Variants in EPHB4 observed in about 807,000 individuals in gnomAD.
EPHB4 encodes EPH receptor B4.
Under a neutral mutation model 110.6 loss-of-function variants are expected in EPHB4, and 50 were observed. That is an observed-to-expected ratio of 0.45 (90% CI 0.36 to 0.57). EPHB4 has a LOEUF of 0.57. Among genes scored for constraint, EPHB4 ranks in the 20% least tolerant of loss-of-function variants. The pLI is 0.00. For missense variants in EPHB4, 1,128 were observed against 1,382.1 expected (o/e 0.82, Z 2.91); for synonymous variants, 592 against 578.4 (o/e 1.02, Z -0.34).
chr7:100,805,941 C>T (rs1264686742), intron 14 of EPHB4: 1 of 415,270 alleles, frequency 2.4e-6, no homozygotes, highest in Admixed American at 4.1e-5. Context: ...CTTCTGCGAC[C>T]CAAATATGCT....
chr7:100,826,959 C>T lies in EPHB4; in HGVS notation c.52+20G>A. Reference sequence around the variant, plus strand: ...GTCCCAGGAGTGACGGGGTGCGCCCCCCCCCGCAAGGAAACTCACCTTCCA... The same window carrying T: ...GTCCCAGGAGTGACGGGGTGCGCCCTCCCCCGCAAGGAAACTCACCTTCCA... On this transcript the variant is annotated intron_variant, in intron 1 of 16. Transcript: ENST00000358173. 5.2e-6 allele frequency: 8 copies of T among 1,536,544 alleles called. No individual in the cohort carries two copies. Among genetic ancestry groups the T allele is most frequent in the African/African-American group, 1.4e-5 (1 of 69,546 alleles).
chr7:100,820,331 C>G (rs770230313), intron 4 of EPHB4, 35 bp from the exon 5 acceptor site: 1 of 1,606,848 alleles, frequency 6.2e-7, no homozygotes, highest in South Asian at 1.1e-5. Context: ...AAAGCATGCA[C>G]AAAAACATCC....
rs1276452847 is a variant in EPHB4, at chr7:100,812,470, T to C, written c.2118+277A>G. ...TCAGCATGGTGGTGCATGCCTATAG[T>C]ACCAGCTACTTGGGAGACTGAGGCA... On this transcript the variant is annotated intron_variant, in intron 12 of 16. Transcript: ENST00000358173. Among the ~76,000 whole-genome samples the C allele has an allele frequency of 3.9e-5, 6 of 152,086 alleles. No homozygotes were observed. In the East Asian group the frequency reaches 9.7e-4, roughly 25 times the overall value.
intron 7 of EPHB4, among the ~76,000 whole-genome samples, chr7:100,817,936 G>C (rs1376924990): frequency 1.7e-5 from 2 of 119,316 alleles, no homozygotes; most frequent in African/African-American, 6.2e-5. Context: ...GCGCTATCTC[G>C]GCTCACTGCA....
Position 100,809,909 on chromosome 7 carries a change from T to C in EPHB4, c.2119-2329A>G, listed in dbSNP as rs540967887. ...AGGGTGGATGGCTTGAGGCCAGGGG[T>C]TTCAGATCAGCCTGGCCAACATGGC... On this transcript the variant is annotated intron_variant, in intron 12 of 16. Transcript: ENST00000358173. 2.0e-5 allele frequency among the ~76,000 whole-genome samples: 3 copies of C among 151,832 alleles called. No individual in the cohort carries two copies. The South Asian group carries it at 6.3e-4, about 32-fold the overall frequency.
rs1276811505 is a variant in EPHB4, at chr7:100,820,131, G to A, written c.964+10C>T. 2 of 1,612,942 alleles carry A rather than the reference G, an allele frequency of 1.2e-6. No individual in the cohort carries two copies. The highest frequency in any genetic ancestry group is 1.7e-6 in the Non-Finnish European group (2 of 1,179,606). ...CCCCAGTGAACTGCACCTGGGTGCT[G>A]GTCACTTACTGGTGCAGGGTGCACC... On this transcript the variant is annotated intron_variant, in intron 5 of 16. Transcript: ENST00000358173.
intron 6 of EPHB4, 84 bp from the exon 7 acceptor site, chr7:100,818,728 A>G: frequency 6.8e-7 from 1 of 1,468,120 alleles, no homozygotes; most frequent in Non-Finnish European, 9.0e-7. Flanking sequence ...TTCGAGACGG[A>G]GTCGTGCTCT....
intron 8 of EPHB4, among the ~76,000 whole-genome samples, chr7:100,815,310 G>T (rs959232738): frequency 6.6e-6 from 1 of 151,768 alleles, no homozygotes; most frequent in Non-Finnish European, 1.5e-5. Context: ...GTGACAGAGC[G>T]AGACCCTGTT....
intron 1 of EPHB4, among the ~76,000 whole-genome samples, chr7:100,825,743 T>C (rs314313): frequency 0.28 from 43,079 of 152,112 alleles, 6,293 homozygotes; most frequent in Middle Eastern, 0.39. Context: ...GTGAAATTAA[T>C]ATTTGTAAGG....
intron 14 of EPHB4, 41 bp downstream of exon 14, chr7:100,806,379 G>A: frequency 6.3e-7 from 1 of 1,582,442 alleles, no homozygotes; most frequent in Non-Finnish European, 8.6e-7. Flanking sequence ...CCAGGTGAGA[G>A]AACACTCGAG....
Position 100,813,220 on chromosome 7 carries a change from G to A in EPHB4, c.1757-12C>T. The A allele has an allele frequency of 6.3e-7, 1 of 1,597,760 alleles. No homozygotes were observed. ...GTAGACCTTAGTACCTGAGAAATCA[G>A]GCAGGGCCCCGTCAGCTGGGAATTA... On this transcript the variant is annotated splice_polypyrimidine_tract_variant and intron_variant, in intron 10 of 16. Coordinates refer to ENST00000358173, the MANE Select transcript of EPHB4 (RefSeq NM_004444.5).
At position 100,823,888 on chromosome 7, in the gene EPHB4, C is replaced by T. The variant is rs951495096; in HGVS notation, c.167G>A (p.Arg56His). 20 of 1,606,914 alleles carry T rather than the reference C, an allele frequency of 1.2e-5. No individual in the cohort carries two copies. Among genetic ancestry groups the T allele is most frequent in the East Asian group, 2.2e-5 (1 of 44,576 alleles). ...CTGCACGTCACACACTTCGTAGGTG[C>T]GCACGCTGTGCTGTTCCTCATCCAG... ...SGLDEEQHSV[R>H]TYEVCDVQRA... The change falls in exon 3 of 17, where the codon CGC becomes CAC. Residue 56 changes from arginine (R) to histidine (H), a missense_variant. Physicochemically the swap from Arg to His is conservative, Grantham distance 29. This residue lies in a region of EPHB4 where 728 missense variants were observed against 828.6 expected (regional missense o/e 0.88). Transcript: ENST00000358173.
intron 16 of EPHB4, 111 bp from the exon 17 acceptor site, chr7:100,803,701 C>A: frequency 7.5e-7 from 1 of 1,329,530 alleles, no homozygotes; most frequent in South Asian, 2.0e-5. Context: ...TCAGAAAAGC[C>A]AGCGGGGGAG....
Position 100,817,320 on chromosome 7 carries a change from G to A in EPHB4, c.1460C>T (p.Thr487Met), listed in dbSNP as rs757631699. The A allele has an allele frequency of 1.6e-5, 25 of 1,588,622 alleles. No homozygotes were observed. Among genetic ancestry groups the A allele is most frequent in the Non-Finnish European group, 2.0e-5 (23 of 1,168,592 alleles). The change falls in exon 8 of 17, where the codon ACG becomes ATG. Residue 487 changes from threonine (T) to methionine (M), a missense_variant. Thr to Met is a moderately conservative substitution (Grantham distance 81). Coordinates refer to ENST00000358173, the MANE Select transcript of EPHB4 (RefSeq NM_004444.5). ...CCGCAGCTCTGCCCGGTTTTCTGAC[G>A]TCTTCAGGAACCGCACGCTGCTGGG... Reference protein sequence around the residue: ...EGPSSVRFLKTSENRAELRGL... With the variant: ...EGPSSVRFLKMSENRAELRGL...
chr7:100,825,554 C>T (rs528283486), intron 1 of EPHB4: 1 of 152,488 alleles, frequency 6.6e-6, no homozygotes, highest in African/African-American at 2.4e-5. Flanking sequence ...CCTCCACTCT[C>T]TGTCCACCTC....
At position 100,819,714 on chromosome 7, in the gene EPHB4, G is replaced by C; in HGVS notation, c.1140C>G (p.Asp380Glu). 4.3e-6 allele frequency: 7 copies of C among 1,613,100 alleles called. No individual in the cohort carries two copies. The highest frequency in any genetic ancestry group is 5.1e-6 in the Non-Finnish European group (6 of 1,179,750). Reference sequence around the variant, plus strand: ...GCTCCACCAGGTCCCGGGGGCCGGGGTCAAAAGTCAGGTCTCCCCCGCAGG... The same window carrying C: ...GCTCCACCAGGTCCCGGGGGCCGGGCTCAAAAGTCAGGTCTCCCCCGCAGG... ...CAPCGGDLTF[D>E]PGPRDLVEPW... The change falls in exon 6 of 17, where the codon GAC (aspartate) becomes GAG (glutamate). Residue 380 changes from aspartate (D) to glutamate (E), a missense_variant. Asp to Glu is a conservative substitution (Grantham distance 45, BLOSUM62 2). Around this residue, in one of 3 missense-constraint regions of EPHB4, gnomAD observed 728 missense variants for 828.6 expected, o/e 0.88. Coordinates refer to ENST00000358173, the MANE Select transcript of EPHB4 (RefSeq NM_004444.5).
chr7:100,819,615 G>A lies in EPHB4; in HGVS notation c.1239C>T (p.Ser413=), dbSNP rs369114721. ...ATGGGACGGGCCCCGTGGCTAAGGA[G>A]GATACCCCGTTCAATGCAGTGACCT... ...TFEVTALNGV[S]SLATGPVPFE... is the part of the protein sequence containing the mutation. The change falls in exon 6 of 17, where the codon TCC becomes TCT. Residue 413 remains serine (S), a synonymous_variant. Coordinates refer to ENST00000358173, the MANE Select transcript of EPHB4 (RefSeq NM_004444.5). The A allele has an allele frequency of 6.2e-7, 1 of 1,602,828 alleles. No homozygotes were observed. Among genetic ancestry groups the A allele is most frequent in the Non-Finnish European group, 8.5e-7 (1 of 1,171,104 alleles).
In EPHB4 at chr7:100,813,776, C is replaced by A. The variant is rs141459441; in HGVS notation, c.1692-60G>T. 1.1e-4 allele frequency: 173 copies of A among 1,610,902 alleles called. No individual in the cohort carries two copies. In the African/African-American group the frequency reaches 2.2e-3, roughly 20 times the overall value. Reference sequence around the variant, plus strand: ...GAGTCACACATCTTTATGAGGCACACACACCAAAGGAAGGAGCAGGGATTG... The same window carrying A: ...GAGTCACACATCTTTATGAGGCACAAACACCAAAGGAAGGAGCAGGGATTG... On this transcript the variant is annotated intron_variant, in intron 9 of 16. Coordinates refer to ENST00000358173, the MANE Select transcript of EPHB4 (RefSeq NM_004444.5).
chr7:100,823,482 CAGA>C (rs1406078443), intron 3 of EPHB4, among the ~76,000 whole-genome samples, 159 bp downstream of exon 3: 15 of 152,294 alleles, frequency 9.8e-5, no homozygotes, highest in Admixed American at 2.0e-4. Context: ...CTCCTCCGCC[CAGA>C]AGATCACCCC....
Sources: allele counts gnomAD v4.1 joint callset (sites outside exome capture counted in the v4.1 genomes callset), GRCh38; gene constraint gnomAD v4.1.1; regional missense constraint gnomAD v4.1.1; transcripts MANE v1.5; gene names NCBI Gene and HGNC (gene_info 2026-07-23, HGNC 2026-07-21).